Variants in NCKAP5 observed in about 807,000 individuals in gnomAD.
NCKAP5 encodes the protein NCK associated protein 5, also known as nck-associated protein 5.
In NCKAP5, 92 loss-of-function variants were observed where a neutral mutation model predicts 167.0. The ratio of observed to expected loss-of-function variants is 0.55; its 90% CI spans 0.47 to 0.66. The LOEUF (loss-of-function observed/expected upper bound fraction) is 0.66, where lower values mean the gene tolerates loss of function less well. Ranked by LOEUF, NCKAP5 falls within the 30% of genes least tolerant of loss-of-function variation. The probability of loss-of-function intolerance (pLI) is 0.00; values close to 1 mark genes in which losing one functional copy is unlikely to be tolerated. For synonymous variants in NCKAP5, 891 were observed against 877.4 expected, an observed-to-expected ratio of 1.02 and a Z score of -0.27; for missense variants, 2,378 against 2,315.0, an observed-to-expected ratio of 1.03 and a Z score of -0.56.
chr2:133,054,132 A>G (rs1390418642), intron 6 of NCKAP5, among the ~76,000 whole-genome samples: 1 of 152,228 alleles, frequency 6.6e-6, no homozygotes, highest in East Asian at 1.9e-4. Flanking sequence ...AGCTTGCAAG[A>G]AAAAGCAGGC....
intron 19 of NCKAP5, among the ~76,000 whole-genome samples, chr2:132,713,841 A>G (rs997495943): frequency 2.6e-5 from 4 of 152,198 alleles, no homozygotes; most frequent in African/African-American, 9.7e-5. Flanking sequence ...GAAACCAACC[A>G]CTAACCTCTC....
At chr2:132,850,295 C>G (rs1211507549) in intron 11 of NCKAP5, among the ~76,000 whole-genome samples, 1 of 152,062 alleles carries the variant, frequency 6.6e-6, no homozygotes, top group Non-Finnish European at 1.5e-5. Context: ...CCAAACAGAC[C>G]ATTAAATGTC....
intron 5 of NCKAP5, among the ~76,000 whole-genome samples, chr2:133,182,497 T>C (rs548784369): frequency 6.6e-6 from 1 of 152,258 alleles, no homozygotes. Context: ...ATCCAAACAC[T>C]TGAAATTAAA....
intron 11 of NCKAP5, among the ~76,000 whole-genome samples, chr2:132,803,779 C>G (rs1245462246): frequency 6.6e-6 from 1 of 152,308 alleles, no homozygotes; most frequent in South Asian, 2.1e-4. Flanking sequence ...GAAGCATCTA[C>G]TATGTGCAGA....
rs376097654 is a variant in NCKAP5 at position 132,847,991 on chromosome 2, GT to G, written c.807+12500del. On this transcript the variant is annotated intron_variant, in intron 11 of 19. Coordinates refer to ENST00000409261, the MANE Select transcript of NCKAP5 (RefSeq NM_207363.3). The stretch of plus-strand genomic sequence containing the variant: ...CAGGTCACAACTATATGTAGAATGT[GT>G]TTAATGGTTCCTCTTAACCAGGGTA... Among the ~76,000 whole-genome samples the G allele has an allele frequency of 5.1e-4, 78 of 152,304 alleles. 1 individual carries two copies. In the South Asian group the frequency reaches 0.016, roughly 30 times the overall value.
chr2:132,910,438 G>T (rs1694357192), intron 8 of NCKAP5, among the ~76,000 whole-genome samples: 1 of 151,720 alleles, frequency 6.6e-6, no homozygotes. Context: ...CCAGCTTCTA[G>T]TAACCATCCT....
At chr2:133,074,079 A>G (rs2080512891) in intron 6 of NCKAP5, among the ~76,000 whole-genome samples, 1 of 152,162 alleles carries the variant, frequency 6.6e-6, no homozygotes, top group Non-Finnish European at 1.5e-5. Flanking sequence ...CTCTAACCAT[A>G]TCTTTGTTCT....
At chr2:133,528,847 G>T (rs1270062114) in intron 2 of NCKAP5, among the ~76,000 whole-genome samples, 2 of 152,180 alleles carry the variant, frequency 1.3e-5, no homozygotes, top group African/African-American at 4.8e-5. Context: ...ACTAGGGCTT[G>T]CCCATCTCTT....
In NCKAP5 at chr2:132,847,901, T is replaced by C. The variant is rs970229784; in HGVS notation, c.807+12591A>G. 9.9e-5 allele frequency among the ~76,000 whole-genome samples: 15 copies of C among 152,278 alleles called. No homozygotes were observed. In the South Asian group the frequency reaches 1.9e-3, roughly 19 times the overall value. Reference sequence around the variant, plus strand: ...GGGGCTGAGGACTGAGAAGGATTGATTGGGAAGAGAAATTAGAGAATCCTT... The same window carrying C: ...GGGGCTGAGGACTGAGAAGGATTGACTGGGAAGAGAAATTAGAGAATCCTT... On this transcript the variant is annotated intron_variant, in intron 11 of 19. Coordinates refer to ENST00000409261, the MANE Select transcript of NCKAP5 (RefSeq NM_207363.3).
chr2:133,002,049 G>A (rs1191253680), intron 6 of NCKAP5, among the ~76,000 whole-genome samples: 1 of 152,132 alleles, frequency 6.6e-6, no homozygotes, highest in African/African-American at 2.4e-5. Context: ...ATATAAGAAA[G>A]CTGAGCATCC....
intron 11 of NCKAP5, among the ~76,000 whole-genome samples, chr2:132,803,093 T>C (rs1445998538): frequency 6.6e-6 from 1 of 152,240 alleles, no homozygotes; most frequent in Admixed American, 6.5e-5. Context: ...GATGTTTAAT[T>C]GATTATGCCA....
intron 6 of NCKAP5, among the ~76,000 whole-genome samples, chr2:133,033,976 C>T (rs941995462): frequency 1.3e-5 from 2 of 152,004 alleles, no homozygotes; most frequent in African/African-American, 4.8e-5. Context: ...CAGATAACTT[C>T]CCAAACCTAA....
intron 3 of NCKAP5, among the ~76,000 whole-genome samples, chr2:133,495,753 G>A (rs546254159): frequency 2.0e-5 from 3 of 152,280 alleles, no homozygotes; most frequent in African/African-American, 7.2e-5. Flanking sequence ...ACTCATCTGG[G>A]TAGTGTAAAT....
At chr2:132,992,051 T>G (rs1222446002) in intron 7 of NCKAP5, among the ~76,000 whole-genome samples, 1 of 152,316 alleles carries the variant, frequency 6.6e-6, no homozygotes, top group African/African-American at 2.4e-5. Flanking sequence ...CTGTCCCTAG[T>G]GCATATGAGA....
At chr2:133,297,561 C>G (rs1680057167) in intron 4 of NCKAP5, among the ~76,000 whole-genome samples, 1 of 152,096 alleles carries the variant, frequency 6.6e-6, no homozygotes, top group African/African-American at 2.4e-5. Context: ...CTATAAGAAC[C>G]AACTAAAGTT....
the NCKAP5 span, among the ~76,000 whole-genome samples, chr2:133,656,771 T>G: frequency 6.6e-6 from 1 of 152,294 alleles, no homozygotes; most frequent in Admixed American, 6.5e-5. Flanking sequence ...TTTATTTCAT[T>G]ATTATTATTT....
At chr2:133,095,082 AC>A (rs2081304576) in intron 6 of NCKAP5, among the ~76,000 whole-genome samples, 1 of 152,136 alleles carries the variant, frequency 6.6e-6, no homozygotes. Context: ...TAAGAAGAGA[AC>A]CCAGGTGAGC....
At chr2:132,955,212 C>G (rs1008856328) in intron 8 of NCKAP5, among the ~76,000 whole-genome samples, 1 of 152,216 alleles carries the variant, frequency 6.6e-6, no homozygotes, top group Non-Finnish European at 1.5e-5. Flanking sequence ...ATAGCCCGTT[C>G]CTCTCACTGG....
chr2:133,614,062 T>C, the NCKAP5 span, among the ~76,000 whole-genome samples: 3 of 151,778 alleles, frequency 2.0e-5, 1 homozygote, highest in East Asian at 5.8e-4. Flanking sequence ...ACTGTGAACT[T>C]TGTCTCCAAG....
Sources: allele counts gnomAD v4.1 joint callset (sites outside exome capture counted in the v4.1 genomes callset), GRCh38; gene constraint gnomAD v4.1.1; transcripts MANE v1.5; gene names NCBI Gene and HGNC (gene_info 2026-07-23, HGNC 2026-07-21).